Variants in RASSF5 observed in about 807,000 individuals in gnomAD.
RASSF5 encodes the protein ras association domain-containing protein 5.
RASSF5 carries 25 observed loss-of-function variants against 40.5 expected under a neutral mutation model. The observed-to-expected ratio is 0.62, with a 90% confidence interval of 0.45 to 0.86. The LOEUF (loss-of-function observed/expected upper bound fraction) is 0.86. Among genes scored for constraint, RASSF5 ranks in the 40% least tolerant of loss-of-function variants. The pLI, the probability that RASSF5 is intolerant of heterozygous loss-of-function variation, is 0.00. For missense variants in RASSF5, 521 were observed against 572.8 expected (o/e 0.91, Z 0.92); for synonymous variants, 246 against 252.4 (o/e 0.97, Z 0.24).
Position 206,535,715 on chromosome 1 carries a change from G to GT in RASSF5, c.458-2457_458-2456insT, listed in dbSNP as rs1553398561. 0.01 allele frequency among the ~76,000 whole-genome samples: 1,451 copies of GT among 145,050 alleles called. 13 individuals carry two copies. The highest frequency in any genetic ancestry group is 0.021 in the Middle Eastern group (6 of 284). On this transcript the variant is annotated intron_variant, in intron 1 of 5. Coordinates refer to ENST00000579436, the MANE Select transcript of RASSF5 (RefSeq NM_182663.4). The surrounding 1 kb of genome is among the most constrained non-coding windows in gnomAD (Gnocchi z 5.0). ...TGTGTGTGTGTGTCTGTGTGTGTGTGGTGTGTGTGTGTGTGTGTGTGTGTG... is the reference window on the plus strand; with the variant it reads ...TGTGTGTGTGTGTCTGTGTGTGTGTGTGTGTGTGTGTGTGTGTGTGTGTGTG...
At chr1:206,578,233 A>AGTGTGT (rs58059864) in intron 2 of RASSF5, among the ~76,000 whole-genome samples, 13,948 of 117,310 alleles carry the variant, frequency 0.12, 745 homozygotes, top group Non-Finnish European at 0.14. Flanking sequence ...AAAAAAAAAA[A>AGTGTGT]GTGTGTGTGT....
At chr1:206,581,618 G>C (rs1326199138) in intron 2 of RASSF5, among the ~76,000 whole-genome samples, 1 of 140,884 alleles carries the variant, frequency 7.1e-6, no homozygotes, top group Non-Finnish European at 1.6e-5. Flanking sequence ...GAAAGAGAGA[G>C]AGACAGAGAG....
intron 2 of RASSF5, among the ~76,000 whole-genome samples, chr1:206,553,200 A>C (rs1318019046): frequency 1.3e-5 from 2 of 151,642 alleles, no homozygotes; most frequent in African/African-American, 4.8e-5. Context: ...AGACACTGTC[A>C]AAAAAAACAA....
intron 2 of RASSF5, among the ~76,000 whole-genome samples, chr1:206,567,232 C>T (rs11119065): frequency 0.47 from 71,764 of 151,796 alleles, 17,449 homozygotes; most frequent in Middle Eastern, 0.64. Context: ...GGAGAGTTGG[C>T]GTGGGTCTTC....
intron 1 of RASSF5, among the ~76,000 whole-genome samples, chr1:206,537,184 C>T: frequency 6.6e-6 from 1 of 152,216 alleles, no homozygotes; most frequent in East Asian, 1.9e-4. Flanking sequence ...GGGCACCTCA[C>T]TTTTTCTCTC....
At chr1:206,532,559 T>C (rs1667270366) in intron 1 of RASSF5, among the ~76,000 whole-genome samples, 1 of 152,230 alleles carries the variant, frequency 6.6e-6, no homozygotes. Flanking sequence ...TTGCTTAAGA[T>C]TGGCTTTCTT....
At chr1:206,580,469 A>C (rs1210175812) in intron 2 of RASSF5, among the ~76,000 whole-genome samples, 1 of 152,156 alleles carries the variant, frequency 6.6e-6, no homozygotes, top group East Asian at 1.9e-4. Flanking sequence ...GGGTCTTTCT[A>C]ATTAGAAGCT....
At chr1:206,577,448 A>C (rs1462573075) in intron 2 of RASSF5, among the ~76,000 whole-genome samples, 1 of 152,138 alleles carries the variant, frequency 6.6e-6, no homozygotes, top group South Asian at 2.1e-4. Context: ...ATCTCATTTG[A>C]TTTTTACCTT....
In RASSF5 at chr1:206,513,819, G is replaced by A. The variant is rs1210886871; in HGVS notation, c.457+5760G>A. Reference sequence around the variant, plus strand: ...ACAGCGAGGAGGCTGAGGTGATGACGTTAGACCAGGCAGAAGGCTGGGTTC... The same window carrying A: ...ACAGCGAGGAGGCTGAGGTGATGACATTAGACCAGGCAGAAGGCTGGGTTC... On this transcript the variant is annotated intron_variant, in intron 1 of 5. Transcript: ENST00000579436. The surrounding 1 kb of genome is among the most constrained non-coding windows in gnomAD (Gnocchi z 5.0). Among the ~76,000 whole-genome samples the A allele has an allele frequency of 1.3e-5, 2 of 152,228 alleles. No homozygotes were observed. Among genetic ancestry groups the A allele is most frequent in the African/African-American group, 4.8e-5 (2 of 41,466 alleles).
chr1:206,554,842 T>G (rs563048816), intron 2 of RASSF5, among the ~76,000 whole-genome samples: 30 of 152,330 alleles, frequency 2.0e-4, no homozygotes, highest in African/African-American at 7.0e-4. Flanking sequence ...TTTGTATATT[T>G]CTTCTAGTCC....
chr1:206,517,563 C>T (rs1205988993), intron 1 of RASSF5, among the ~76,000 whole-genome samples: 1 of 152,172 alleles, frequency 6.6e-6, no homozygotes, highest in Non-Finnish European at 1.5e-5. Flanking sequence ...CTCTGGGCAG[C>T]CTGGGAGGGA....
At chr1:206,542,312 T>A (rs1405210284) in intron 2 of RASSF5, 2 of 152,194 alleles carry the variant, frequency 1.3e-5, no homozygotes, top group African/African-American at 4.8e-5. Context: ...ATGAATGAGC[T>A]CTCGCTCTAT....
At chr1:206,558,438 T>C (rs782644824) in intron 2 of RASSF5, among the ~76,000 whole-genome samples, 1 of 152,096 alleles carries the variant, frequency 6.6e-6, no homozygotes, top group Non-Finnish European at 1.5e-5. Context: ...GCTGAGTTTG[T>C]TTATTTGTTT....
chr1:206,519,227 A>G (rs1159323795), intron 1 of RASSF5, among the ~76,000 whole-genome samples: 3 of 152,220 alleles, frequency 2.0e-5, no homozygotes, highest in Admixed American at 6.5e-5. Flanking sequence ...ATCTTAGGTC[A>G]TCCCATGCCC....
intron 2 of RASSF5, among the ~76,000 whole-genome samples, chr1:206,577,114 A>T (rs1668685899): frequency 6.6e-6 from 1 of 151,934 alleles, no homozygotes; most frequent in Non-Finnish European, 1.5e-5. Context: ...CCAGGCCCAT[A>T]AATAGTTTTA....
chr1:206,523,534 T>G (rs1331258375), intron 1 of RASSF5, among the ~76,000 whole-genome samples: 1 of 76,022 alleles, frequency 1.3e-5, no homozygotes, highest in Non-Finnish European at 2.3e-5. Context: ...ATTTTATATA[T>G]TATATATATA....
At chr1:206,530,157 A>AT (rs1374288649) in intron 1 of RASSF5, among the ~76,000 whole-genome samples, 4 of 143,074 alleles carry the variant, frequency 2.8e-5, no homozygotes, top group African/African-American at 6.1e-5. Context: ...TTTAGTAACT[A>AT]TAGAGGTAGG....
chr1:206,527,869 C>T (rs1667136190), intron 1 of RASSF5, among the ~76,000 whole-genome samples: 1 of 152,136 alleles, frequency 6.6e-6, no homozygotes, highest in Admixed American at 6.6e-5. Flanking sequence ...GAGGAATGGG[C>T]TGTTGAGGAG....
chr1:206,575,214 C>T (rs575901583), intron 2 of RASSF5, among the ~76,000 whole-genome samples: 5 of 152,036 alleles, frequency 3.3e-5, no homozygotes, highest in Admixed American at 6.6e-5. Flanking sequence ...ACAGAAGCAC[C>T]GGGTGTTTGG....
Sources: gnomAD v4.1 joint callset for allele counts (sites outside exome capture counted in the v4.1 genomes callset) on GRCh38, gnomAD v4.1.1 for gene constraint, Gnocchi (gnomAD v3.1) non-coding constraint, MANE v1.5 for transcripts, NCBI Gene and HGNC (gene_info 2026-07-23, HGNC 2026-07-21) for gene names.